Variants in ZC3H13 observed in about 807,000 individuals in gnomAD.
The protein encoded by ZC3H13 is zinc finger CCCH domain-containing protein 13.
In ZC3H13, 64 loss-of-function variants were observed where a neutral mutation model predicts 204.1. The ratio of observed to expected loss-of-function variants is 0.31; its 90% CI spans 0.26 to 0.39. The LOEUF (loss-of-function observed/expected upper bound fraction) is 0.39. Ranked by LOEUF, ZC3H13 falls within the 10% of genes least tolerant of loss-of-function variation. The pLI is 1.00. For synonymous variants in ZC3H13, 667 were observed against 693.7 expected (o/e 0.96, Z 0.60); for missense variants, 1,833 against 2,082.7 (o/e 0.88, Z 2.33).
chr13:46,009,597 A>T (rs1217210953), intron 7 of ZC3H13, among the ~76,000 whole-genome samples: 2 of 145,214 alleles, frequency 1.4e-5, no homozygotes, highest in Non-Finnish European at 3.1e-5. Flanking sequence ...GGTAGAAGAT[A>T]TTTTTAGTTC....
intron 13 of ZC3H13, 67 bp from the exon 14 acceptor site, chr13:45,970,038 TATA>T: frequency 1.0e-5 from 15 of 1,501,810 alleles, no homozygotes; most frequent in East Asian, 2.3e-5. Flanking sequence ...ACATATAGAT[TATA>T]ATAATTTCTC....
chr13:45,975,770 C>A lies in ZC3H13; in HGVS notation c.1981G>T (p.Glu661Ter). ...NDELERDERR[E>*]ERRVDRVDDR... The stretch of plus-strand genomic sequence containing the variant: ...TCCACTCTGTCTACTCTTCGTTCCT[C>A]TCTTCTTTCATCACGCTCAAGCTCG... The change falls in exon 12 of 19, where the codon GAG becomes TAG. Residue 661 changes from glutamate (E) to a stop codon, truncating the protein, a stop_gained. Transcript: ENST00000679008. LOFTEE classifies it high-confidence loss of function. The A allele has an allele frequency of 6.2e-7, 1 of 1,613,994 alleles. No individual in the cohort carries two copies. The highest frequency in any genetic ancestry group is 8.5e-7 in the Non-Finnish European group (1 of 1,179,942).
chr13:46,032,887 G>A (rs766332150), intron 4 of ZC3H13, among the ~76,000 whole-genome samples: 1 of 151,768 alleles, frequency 6.6e-6, no homozygotes, highest in Non-Finnish European at 1.5e-5. Context: ...AAAAAAGCAA[G>A]GTGAAGAAAA....
rs981944238 is a variant in ZC3H13 at position 45,976,142 on chromosome 13, C to T, written c.1913-304G>A. On this transcript the variant is annotated intron_variant, in intron 11 of 18. Coordinates refer to ENST00000679008, the MANE Select transcript of ZC3H13 (RefSeq NM_001330564.2). ...CATGCTCCCTACCCTACCTCCAGCC[C>T]ACTGCTCCAACCCCACTTTCTGCCA... 3 of 982,656 alleles carry T rather than the reference C, an allele frequency of 3.1e-6. No individual in the cohort carries two copies. The African/African-American group carries it at 5.3e-5, about 17-fold the overall frequency. 60.9% of individuals were successfully genotyped at this position (982,656 alleles called of 1,614,324 possible). A position where few individuals can be genotyped will look rare whatever the true frequency, so the allele number is the denominator to read the frequency against.
intron 4 of ZC3H13, among the ~76,000 whole-genome samples, chr13:46,039,467 C>G (rs532059747): frequency 1.5e-4 from 23 of 152,298 alleles, no homozygotes; most frequent in African/African-American, 5.5e-4. Flanking sequence ...TTCTTCACAG[C>G]AACATGGACA....
chr13:45,960,865 G>C (rs1046039066), intron 17 of ZC3H13, among the ~76,000 whole-genome samples: 1 of 152,286 alleles, frequency 6.6e-6, no homozygotes, highest in South Asian at 2.1e-4. Context: ...ATACATAGCC[G>C]ATTTCAATTT....
intron 10 of ZC3H13, among the ~76,000 whole-genome samples, chr13:45,984,514 G>A (rs1296600555): frequency 1.3e-5 from 2 of 152,028 alleles, no homozygotes; most frequent in African/African-American, 4.8e-5. Flanking sequence ...AAATCCAACA[G>A]TTTTTTTATG....
chr13:46,029,294 T>C (rs1385008171), intron 4 of ZC3H13, among the ~76,000 whole-genome samples: 3 of 152,182 alleles, frequency 2.0e-5, no homozygotes, highest in African/African-American at 4.8e-5. Flanking sequence ...ATTTTAAAAA[T>C]TGAATCAATA....
chr13:45,955,581 G>C lies in ZC3H13; in HGVS notation c.*1546C>G, dbSNP rs1951234623. 6.6e-6 allele frequency: 1 copy of C among 151,988 alleles called. No individual in the cohort carries two copies. The highest frequency in any genetic ancestry group is 6.6e-5 in the Admixed American group (1 of 15,250). 9.4% of individuals were successfully genotyped at this position (151,988 alleles called of 1,614,324 possible). A position where few individuals can be genotyped will look rare whatever the true frequency, so the allele number is the denominator to read the frequency against. On this transcript the variant is annotated 3_prime_UTR_variant, in exon 19 of 19. Coordinates refer to ENST00000679008, the MANE Select transcript of ZC3H13 (RefSeq NM_001330564.2). ...CTGAGAACTAGGATTAGAAATTCTA[G>C]GACTTTAAATCTTTGTGCTACAGAG...
intron 4 of ZC3H13, among the ~76,000 whole-genome samples, chr13:46,024,968 T>C (rs1485109361): frequency 1.3e-5 from 2 of 152,358 alleles, no homozygotes; most frequent in African/African-American, 4.8e-5. Context: ...GAGCTTCCTA[T>C]ATAATCACAC....
At chr13:45,974,166 T>C (rs1050545605) in intron 12 of ZC3H13, among the ~76,000 whole-genome samples, 1 of 152,230 alleles carries the variant, frequency 6.6e-6, no homozygotes, top group Admixed American at 6.5e-5. Context: ...AAAAAAGTAG[T>C]TAACTCTAGT....
chr13:45,975,163 G>C, intron 12 of ZC3H13, 120 bp downstream of exon 12: 1 of 1,442,782 alleles, frequency 6.9e-7, no homozygotes, highest in Non-Finnish European at 9.2e-7. Context: ...TGAAAAACAG[G>C]AAAATATACA....
intron 4 of ZC3H13, among the ~76,000 whole-genome samples, chr13:46,027,962 G>A (rs1318824041): frequency 1.3e-5 from 2 of 152,114 alleles, no homozygotes; most frequent in Non-Finnish European, 2.9e-5. Context: ...GAATGTTGTA[G>A]ATATTAATTC....
intron 18 of ZC3H13, among the ~76,000 whole-genome samples, chr13:45,957,519 TA>T (rs1951348005): frequency 6.6e-6 from 1 of 152,198 alleles, no homozygotes; most frequent in South Asian, 2.1e-4. Flanking sequence ...ACCTCTTGCT[TA>T]AAGTAGGAAT....
intron 11 of ZC3H13, chr13:45,976,393 CT>C (rs1953051733): frequency 2.9e-6 from 1 of 341,266 alleles, no homozygotes; most frequent in Admixed American, 6.5e-5. Flanking sequence ...GAATTTGTTG[CT>C]GCAATATAAC....
Position 46,020,567 on chromosome 13 carries a change from T to A in ZC3H13, c.340-10A>T. ...CTCTTGAAGATTCTTTCTAAAAAAG[T>A]ACATACATACATTCAGATTACTATA... is the stretch of plus-strand genomic sequence containing the variant. On this transcript the variant is annotated splice_polypyrimidine_tract_variant and intron_variant, in intron 4 of 18. Coordinates refer to ENST00000679008, the MANE Select transcript of ZC3H13 (RefSeq NM_001330564.2). 1 of 1,527,546 alleles carries A rather than the reference T, an allele frequency of 6.5e-7. No individual in the cohort carries two copies. Among genetic ancestry groups the A allele is most frequent in the Non-Finnish European group, 9.0e-7 (1 of 1,113,672 alleles). The allele number at this position is 1,527,546 out of a possible 1,614,324, so 94.6% of individuals were successfully genotyped here.
intron 5 of ZC3H13, among the ~76,000 whole-genome samples, chr13:46,014,250 T>TTG (rs2041767898): frequency 2.0e-5 from 3 of 152,128 alleles, no homozygotes; most frequent in African/African-American, 7.2e-5. Flanking sequence ...TGTGCCATGG[T>TTG]GGTTTGTACC....
chr13:45,962,425 T>C (rs1951756089), intron 17 of ZC3H13: 1 of 985,190 alleles, frequency 1.0e-6, no homozygotes, highest in Non-Finnish European at 1.2e-6. Flanking sequence ...ACAAATATCT[T>C]TAGAGGTGGG....
At chr13:46,011,618 G>T in intron 5 of ZC3H13, 64 bp from the exon 6 acceptor site, 6 of 1,331,580 alleles carry the variant, frequency 4.5e-6, no homozygotes, top group Non-Finnish European at 4.0e-6. Context: ...AAATCATACA[G>T]ACTTTTTTCA....
Sources: allele counts gnomAD v4.1 joint callset (sites outside exome capture counted in the v4.1 genomes callset), GRCh38; gene constraint gnomAD v4.1.1; transcripts MANE v1.5; gene names NCBI Gene and HGNC (gene_info 2026-07-23, HGNC 2026-07-21).